Variants in GNAT2 observed in about 807,000 individuals in gnomAD.
GNAT2 encodes the protein guanine nucleotide-binding protein G(t) subunit alpha-2.
Under a neutral mutation model 40.9 loss-of-function variants are expected in GNAT2, and 32 were observed. The ratio of observed to expected loss-of-function variants is 0.78; its 90% CI spans 0.59 to 1.05. The LOEUF is 1.05. GNAT2 is among the 50% of genes least tolerant of loss of function. GNAT2 has a pLI of 0.00. For missense variants in GNAT2, 355 were observed against 431.5 expected (o/e 0.82, Z 1.57); for synonymous variants, 141 against 157.2 (o/e 0.90, Z 0.77).
At chr1:109,616,835 G>A (rs1429234143) in intron 1 of GNAT2, 1 of 152,298 alleles carries the variant, frequency 6.6e-6, no homozygotes, top group Non-Finnish European at 1.5e-5. Flanking sequence ...GAGGCACAAA[G>A]TACAAGGTGT....
At chr1:109,608,606 C>T (rs966097469) in intron 5 of GNAT2, 25 bp downstream of exon 5, 3 of 1,608,942 alleles carry the variant, frequency 1.9e-6, no homozygotes, top group Non-Finnish European at 2.6e-6. Context: ...AAGCATCAAC[C>T]CACCCTCTCA....
chr1:109,605,798 C>G, intron 7 of GNAT2, 172 bp downstream of exon 7: 1 of 648,674 alleles, frequency 1.5e-6, no homozygotes, highest in South Asian at 1.6e-5. Context: ...AATCTAGAAC[C>G]TGCAGAAGAA....
chr1:109,610,472 GT>G lies in GNAT2; in HGVS notation c.153del (p.Lys51AsnfsTer3). On this transcript the variant is annotated frameshift_variant, in exon 3 of 9. Coordinates refer to ENST00000679935, the MANE Select transcript of GNAT2 (RefSeq NM_001377295.2). LOFTEE classifies it high-confidence loss of function. ...GGCTTTGTTTCTACTCACTTCATCTGTTTGACGATGGTGCTCTTTCCTGACT... is the reference window on the plus strand; with the variant it reads ...GGCTTTGTTTCTACTCACTTCATCTGTTGACGATGGTGCTCTTTCCTGACT... The part of the protein sequence containing the change: ...AGESGKSTIV[K>X]QMKIIHQDGY... The G allele has an allele frequency of 3.1e-6, 5 of 1,613,672 alleles. No homozygotes were observed. Among genetic ancestry groups the G allele is most frequent in the Non-Finnish European group, 4.2e-6 (5 of 1,179,640 alleles).
At chr1:109,613,037 A>T in intron 1 of GNAT2, 114 bp from the exon 2 acceptor site, 1 of 721,884 alleles carries the variant, frequency 1.4e-6, no homozygotes, top group Non-Finnish European at 2.5e-6. Context: ...AGGGTCTTGT[A>T]CTCTGCCTAC....
In GNAT2 at chr1:109,608,619, A is replaced by C; in HGVS notation, c.461+12T>G. The C allele has an allele frequency of 3.7e-6, 6 of 1,612,406 alleles. No homozygotes were observed. Among genetic ancestry groups the C allele is most frequent in the Non-Finnish European group, 5.1e-6 (6 of 1,178,446 alleles). On this transcript the variant is annotated intron_variant, in intron 5 of 8. Transcript: ENST00000679935. ...TTAAGCATCAACCCACCCTCTCACC[A>C]GTCAGTCTTACTAAGATGCGGAGTC...
At chr1:109,610,850 C>CTTTTGGA (rs1460698674) in intron 2 of GNAT2, 3 of 398,758 alleles carry the variant, frequency 7.5e-6, no homozygotes, top group African/African-American at 6.1e-5. Flanking sequence ...TGACCACTGG[C>CTTTTGGA]AGTCAAAATC....
In GNAT2 at chr1:109,603,471, G is replaced by A. The variant is rs769353273; in HGVS notation, c.948C>T (p.Val316=). 2 of 1,604,850 alleles carry A rather than the reference G, an allele frequency of 1.2e-6. No homozygotes were observed. The highest frequency in any genetic ancestry group is 4.5e-5 in the East Asian group (2 of 44,826). The change falls in exon 9 of 9, where the codon GTC becomes GTT. Residue 316 remains valine, a synonymous_variant. Coordinates refer to ENST00000679935, the MANE Select transcript of GNAT2 (RefSeq NM_001377295.2). Reference sequence around the variant, plus strand: ...AGGTCATGTGACTGTAGATTTCTTTGACATCTTTTCGCATATTGAGGTCAA... The same window carrying A: ...AGGTCATGTGACTGTAGATTTCTTTAACATCTTTTCGCATATTGAGGTCAA... The part of the protein sequence containing the change: ...QFLDLNMRKD[V]KEIYSHMTCA...
intron 6 of GNAT2, 91 bp from the exon 7 acceptor site, chr1:109,606,190 G>C (rs909225562): frequency 6.4e-7 from 1 of 1,572,448 alleles, no homozygotes; most frequent in Admixed American, 1.7e-5. Context: ...AGAGGAAAAG[G>C]GGGAGAAGCA....
chr1:109,612,941 G>T lies in GNAT2; in HGVS notation c.-53-18C>A. 1 of 1,068,978 alleles carries T rather than the reference G, an allele frequency of 9.4e-7. No individual in the cohort carries two copies. The highest frequency in any genetic ancestry group is 1.5e-6 in the Non-Finnish European group (1 of 688,306). 66.2% of individuals were successfully genotyped at this position (1,068,978 alleles called of 1,614,324 possible). ...AAGGTTTCCTGTATGTGAGATGGAA[G>T]AGAAGGAAAAAAGTTGGGATTGAGT... is the stretch of plus-strand genomic sequence containing the variant. On this transcript the variant is annotated intron_variant, in intron 1 of 8. Transcript: ENST00000679935.
rs775763827 is a variant in GNAT2, at chr1:109,606,441, A to G, written c.462-5T>C. The G allele has an allele frequency of 1.2e-6, 2 of 1,612,884 alleles. No homozygotes were observed. Among genetic ancestry groups the G allele is most frequent in the Non-Finnish European group, 1.7e-6 (2 of 1,178,844 alleles). ...CGTTCTAATTGGTTCAGGTAGCTAG[A>G]GAAAAGTGATTAGCATCAATGACAA... On this transcript the variant is annotated splice_polypyrimidine_tract_variant and splice_region_variant and intron_variant, in intron 5 of 8. Transcript: ENST00000679935.
chr1:109,612,658 C>T, intron 2 of GNAT2, 95 bp downstream of exon 2: 1 of 809,786 alleles, frequency 1.2e-6, no homozygotes, highest in Non-Finnish European at 2.2e-6. Context: ...GACCTGCCAC[C>T]CTTCCTTCCC....
intron 4 of GNAT2, chr1:109,609,780 C>G: frequency 2.1e-6 from 1 of 486,588 alleles, no homozygotes; most frequent in South Asian, 2.0e-5. Flanking sequence ...TAATTAACTT[C>G]TCTGAACTTC....
At chr1:109,612,398 A>T (rs186297221) in intron 2 of GNAT2, 287 of 350,522 alleles carry the variant, frequency 8.2e-4, no homozygotes, top group African/African-American at 5.8e-3. Context: ...CTTGGCTTAG[A>T]GTTCTCTGCA....
rs1375327101 is a variant in GNAT2, at chr1:109,603,561, A to T, written c.875-17T>A. On this transcript the variant is annotated splice_polypyrimidine_tract_variant and intron_variant, in intron 8 of 8. Transcript: ENST00000679935. Reference sequence around the variant, plus strand: ...AGTTGTTACCTGGTTTTCCAGAAAAATAGTGAAAAAGTAGAATAAATGAAC... The same window carrying T: ...AGTTGTTACCTGGTTTTCCAGAAAATTAGTGAAAAAGTAGAATAAATGAAC... 1 of 1,540,668 alleles carries T rather than the reference A, an allele frequency of 6.5e-7. No homozygotes were observed. Among genetic ancestry groups the T allele is most frequent in the Admixed American group, 1.7e-5 (1 of 59,952 alleles).
intron 4 of GNAT2, chr1:109,609,293 GC>G (rs1162410666): frequency 5.3e-6 from 1 of 189,788 alleles, no homozygotes; most frequent in Non-Finnish European, 1.1e-5. Context: ...AAGTAAAAAA[GC>G]AGAGGAAGCT....
rs1649501825 is a variant in GNAT2 at position 109,603,611 on chromosome 1, AG to A, written c.875-68del. On this transcript the variant is annotated intron_variant, in intron 8 of 8. Coordinates refer to ENST00000679935, the MANE Select transcript of GNAT2 (RefSeq NM_001377295.2). Reference sequence around the variant, plus strand: ...CCCTTGTTAGTTGCTGACTCACTTTAGGTGATTGACTTGATCCTTGAAATGT... The same window carrying A: ...CCCTTGTTAGTTGCTGACTCACTTTAGTGATTGACTTGATCCTTGAAATGT... 5 of 1,043,734 alleles carry A rather than the reference AG, an allele frequency of 4.8e-6. No individual in the cohort carries two copies. The Admixed American group carries it at 8.5e-5, about 18-fold the overall frequency. The allele number at this position is 1,043,734 out of a possible 1,614,324, so 64.7% of individuals were successfully genotyped here.
At chr1:109,613,125 A>G in intron 1 of GNAT2, 1 of 471,538 alleles carries the variant, frequency 2.1e-6, no homozygotes, top group Non-Finnish European at 3.9e-6. Flanking sequence ...TAGCAATGTG[A>G]TAGGTCAAGC....
At chr1:109,608,879 A>C in intron 4 of GNAT2, 91 bp from the exon 5 acceptor site, 1 of 982,016 alleles carries the variant, frequency 1.0e-6, no homozygotes. Context: ...ATCATTTTAC[A>C]TTACTACGAA....
intron 4 of GNAT2, 168 bp from the exon 5 acceptor site, chr1:109,608,956 T>A: frequency 1.5e-6 from 1 of 689,154 alleles, no homozygotes; most frequent in Non-Finnish European, 2.6e-6. Flanking sequence ...AATTTTTGAG[T>A]ATGCTCCCCA....
Sources: allele counts gnomAD v4.1 joint callset, GRCh38; gene constraint gnomAD v4.1.1; transcripts MANE v1.5; gene names NCBI Gene and HGNC (gene_info 2026-07-23, HGNC 2026-07-21).